Variants in CTPS2 observed in about 807,000 individuals in gnomAD.
The protein encoded by CTPS2 is CTP synthase 2.
In CTPS2, 19 loss-of-function variants were observed where a neutral mutation model predicts 46.8. That is an observed-to-expected ratio of 0.41 (90% CI 0.28 to 0.60). CTPS2 has a LOEUF of 0.60. CTPS2 is among the 20% of genes least tolerant of loss of function. CTPS2 has a pLI of 0.35. For missense variants in CTPS2, 286 were observed against 447.6 expected, an observed-to-expected ratio of 0.64 and a Z score of 3.26; for synonymous variants, 151 against 165.2, an observed-to-expected ratio of 0.91 and a Z score of 0.66.
At chrX:16,672,323 C>T (rs747820578) in intron 10 of CTPS2, among the ~76,000 whole-genome samples, 43 of 111,652 alleles carry the variant, frequency 3.9e-4, no homozygotes, top group African/African-American at 1.4e-3. Context: ...GACCGACAAG[C>T]GGCCACCTGA....
chrX:16,593,795 C>T (rs2147156493), intron 17 of CTPS2, among the ~76,000 whole-genome samples: 1 of 110,274 alleles, frequency 9.1e-6, no homozygotes, highest in African/African-American at 3.3e-5. Context: ...ATCCTTAAAA[C>T]CAATCAAGTA....
chrX:16,649,867 ATATC>A (rs1172773154), intron 13 of CTPS2, among the ~76,000 whole-genome samples: 3 of 112,035 alleles, frequency 2.7e-5, no homozygotes, highest in Non-Finnish European at 5.6e-5. Flanking sequence ...AGAATCCTCT[ATATC>A]TAAGCTTTAT....
intron 14 of CTPS2, among the ~76,000 whole-genome samples, chrX:16,627,236 G>T (rs1202444205): frequency 9.0e-6 from 1 of 111,545 alleles, no homozygotes; most frequent in East Asian, 2.8e-4. Flanking sequence ...TGCTAATTAG[G>T]CATTTTAAGG....
intron 13 of CTPS2, among the ~76,000 whole-genome samples, chrX:16,644,927 T>C (rs777283144): frequency 8.9e-6 from 1 of 112,510 alleles, no homozygotes; most frequent in East Asian, 2.8e-4. Flanking sequence ...CACTGAGGAG[T>C]TCGACACAGT....
At chrX:16,624,487 G>A (rs1931021606) in intron 14 of CTPS2, among the ~76,000 whole-genome samples, 2 of 111,820 alleles carry the variant, frequency 1.8e-5, no homozygotes, top group African/African-American at 3.3e-5. Flanking sequence ...GTCTGGCCAC[G>A]TGGGTTTTAA....
intron 14 of CTPS2, among the ~76,000 whole-genome samples, chrX:16,627,748 A>C (rs892268126): frequency 2.7e-5 from 3 of 111,630 alleles, no homozygotes; most frequent in Non-Finnish European, 5.6e-5. Flanking sequence ...GCGGTTTCAG[A>C]CTGGCTTTCA....
chrX:16,711,938 C>T (rs1925489544), intron 1 of CTPS2: 1 of 110,927 alleles, frequency 9.0e-6, no homozygotes, highest in African/African-American at 3.3e-5. Context: ...CGCAGACCCC[C>T]GCTCGGGGCT....
At chrX:16,620,176 A>G (rs1930744703) in intron 15 of CTPS2, 101 bp downstream of exon 15, 1 of 690,562 alleles carries the variant, frequency 1.4e-6, no homozygotes, top group African/African-American at 2.2e-5. Flanking sequence ...CCCTGTGAAT[A>G]CCACCAGGCT....
intron 13 of CTPS2, among the ~76,000 whole-genome samples, chrX:16,661,993 C>CATATATATATATATATATATATAT (rs5901592): frequency 8.2e-5 from 7 of 85,327 alleles, no homozygotes; most frequent in African/African-American, 2.8e-4. Context: ...ATTGTTCATT[C>CATATATATATATATATATATATAT]ATATATATAT....
chrX:16,650,672 C>G (rs1400736659), intron 13 of CTPS2, among the ~76,000 whole-genome samples: 4 of 109,107 alleles, frequency 3.7e-5, no homozygotes, highest in African/African-American at 1.3e-4. Context: ...ACCACCACGC[C>G]TGGCTAATTT....
At chrX:16,704,256 C>T (rs960341424) in intron 1 of CTPS2, among the ~76,000 whole-genome samples, 6 of 111,528 alleles carry the variant, frequency 5.4e-5, no homozygotes, top group African/African-American at 2.0e-4. Flanking sequence ...GTTATTTATC[C>T]TTTCTGTGCC....
chrX:16,613,913 C>A (rs1930392646), intron 16 of CTPS2, among the ~76,000 whole-genome samples: 1 of 111,106 alleles, frequency 9.0e-6, no homozygotes, highest in East Asian at 2.8e-4. Context: ...TTGATGATGT[C>A]TGGAGATATT....
chrX:16,642,280 T>C (rs1345513294), intron 13 of CTPS2, among the ~76,000 whole-genome samples: 4 of 111,758 alleles, frequency 3.6e-5, no homozygotes, highest in African/African-American at 1.3e-4. Context: ...GATCCTCTGA[T>C]TAAAACATGC....
At position 16,678,346 on chromosome X, in the gene CTPS2, G is replaced by A. The variant is rs776321869; in HGVS notation, c.1094+16C>T. The A allele has an allele frequency of 9.0e-7, 1 of 1,110,651 alleles. No individual in the cohort carries two copies. Among genetic ancestry groups the A allele is most frequent in the Admixed American group, 2.2e-5 (1 of 44,661 alleles). The allele number at this position is 1,110,651 out of a possible 1,213,427, so 91.5% of individuals were successfully genotyped here. A position where few individuals can be genotyped will look rare whatever the true frequency, so the allele number is the denominator to read the frequency against. ...TGGTCCTATCCTAACTGGTGTGCGT[G>A]GGCCCTGGTACTCACTCAGCTTTGC... On this transcript the variant is annotated intron_variant, in intron 10 of 18. Transcript: ENST00000359276.
At chrX:16,624,993 T>A (rs1931047809) in intron 14 of CTPS2, among the ~76,000 whole-genome samples, 1 of 111,778 alleles carries the variant, frequency 8.9e-6, no homozygotes, top group Non-Finnish European at 1.9e-5. Flanking sequence ...ACATAATATA[T>A]TTTTACCTGT....
chrX:16,638,163 G>A (rs1243901193), intron 14 of CTPS2, among the ~76,000 whole-genome samples: 2 of 108,691 alleles, frequency 1.8e-5, no homozygotes, highest in African/African-American at 6.7e-5. Context: ...GCTGAGGCAG[G>A]AGAATGACGT....
intron 9 of CTPS2, among the ~76,000 whole-genome samples, chrX:16,682,634 G>A (rs1415491221): frequency 8.9e-6 from 1 of 112,076 alleles, no homozygotes. Flanking sequence ...GAAGCTCACT[G>A]TGCTGAAAGT....
intron 2 of CTPS2, among the ~76,000 whole-genome samples, chrX:16,699,626 G>A (rs1033384905): frequency 6.2e-5 from 7 of 112,495 alleles, no homozygotes; most frequent in Admixed American, 3.8e-4. Context: ...TTCGTCACAC[G>A]AGGAGCACCA....
intron 16 of CTPS2, among the ~76,000 whole-genome samples, chrX:16,615,139 G>A (rs1049080067): frequency 9.1e-6 from 1 of 110,178 alleles, no homozygotes; most frequent in African/African-American, 3.3e-5. Context: ...TCGCGCCACT[G>A]CACTCCAGCT....
Sources: allele counts gnomAD v4.1 joint callset (sites outside exome capture counted in the v4.1 genomes callset), GRCh38; gene constraint gnomAD v4.1.1; transcripts MANE v1.5; gene names NCBI Gene and HGNC (gene_info 2026-07-23, HGNC 2026-07-21).